Variants in STK3 observed in about 807,000 individuals in gnomAD.
STK3 encodes serine/threonine-protein kinase 3.
STK3 carries 41 observed loss-of-function variants against 58.0 expected under a neutral mutation model. The ratio of observed to expected loss-of-function variants is 0.71; its 90% CI spans 0.55 to 0.92. The LOEUF (loss-of-function observed/expected upper bound fraction) is 0.92. Ranked by LOEUF, STK3 falls within the 40% of genes least tolerant of loss-of-function variation. The probability of loss-of-function intolerance (pLI) is 0.00; values close to 1 mark genes in which losing one functional copy is unlikely to be tolerated. For synonymous variants in STK3, 170 were observed against 191.0 expected (o/e 0.89, Z 0.91); for missense variants, 479 against 602.7 (o/e 0.79, Z 2.15).
intron 3 of STK3, chr8:98,432,172 G>A (rs918980766): frequency 5.4e-5 from 9 of 167,072 alleles, no homozygotes; most frequent in Admixed American, 5.2e-4. Context: ...GCTAACCAGG[G>A]AGAGTCAGGT....
At chr8:98,719,942 G>A (rs1448102922) in intron 4 of STK3, among the ~76,000 whole-genome samples, 1 of 152,194 alleles carries the variant, frequency 6.6e-6, no homozygotes. Context: ...ACTTCAGAGA[G>A]TCAATGTCTT....
At chr8:98,659,107 G>C (rs1217292325) in intron 6 of STK3, among the ~76,000 whole-genome samples, 2 of 151,952 alleles carry the variant, frequency 1.3e-5, no homozygotes, top group African/African-American at 4.8e-5. Flanking sequence ...GTTTGTATAA[G>C]TTCACTCTAT....
the STK3 span, among the ~76,000 whole-genome samples, chr8:98,348,405 A>G: frequency 1.3e-5 from 2 of 152,262 alleles, no homozygotes; most frequent in Non-Finnish European, 2.9e-5. Context: ...CATGAAACAA[A>G]GAATTGATAA....
chr8:98,586,842 A>G (rs1183464158), intron 7 of STK3, among the ~76,000 whole-genome samples: 1 of 151,870 alleles, frequency 6.6e-6, no homozygotes, highest in African/African-American at 2.4e-5. Flanking sequence ...GTATGTGTCG[A>G]GGAATTTATC....
Position 98,761,018 on chromosome 8 carries a change from A to G in STK3, c.236+6225T>C, listed in dbSNP as rs1455714866. Among the ~76,000 whole-genome samples the G allele has an allele frequency of 3.3e-5, 5 of 152,190 alleles. No individual in the cohort carries two copies. In the South Asian group the frequency reaches 6.2e-4, roughly 19 times the overall value. ...TTATAAAAATCCAAATGTTCTATTC[A>G]TAACACCCAAAATATGGAATCAATC... On this transcript the variant is annotated intron_variant, in intron 3 of 10. Coordinates refer to ENST00000419617, the MANE Select transcript of STK3 (RefSeq NM_006281.4).
intron 4 of STK3, among the ~76,000 whole-genome samples, chr8:98,712,713 T>C (rs553153671): frequency 2.2e-3 from 338 of 152,170 alleles, no homozygotes; most frequent in African/African-American, 7.8e-3. Flanking sequence ...CTGTCAACAT[T>C]AGACAGATCA....
At chr8:98,660,305 T>C (rs996777856) in intron 6 of STK3, among the ~76,000 whole-genome samples, 1 of 151,814 alleles carries the variant, frequency 6.6e-6, no homozygotes, top group African/African-American at 2.4e-5. Flanking sequence ...TGGGTAAGAG[T>C]TGCAGTTGTG....
intron 1 of STK3, among the ~76,000 whole-genome samples, chr8:98,916,926 C>T (rs1839367077): frequency 6.6e-6 from 1 of 152,148 alleles, no homozygotes; most frequent in Non-Finnish European, 1.5e-5. Context: ...GATTTGGGAG[C>T]TGAGTCCTGA....
chr8:98,908,962 C>A (rs529964769), intron 1 of STK3, among the ~76,000 whole-genome samples: 1 of 151,044 alleles, frequency 6.6e-6, no homozygotes, highest in South Asian at 2.1e-4. Flanking sequence ...TCAAGACCAG[C>A]CTGGCCAAGA....
intron 10 of STK3, among the ~76,000 whole-genome samples, chr8:98,487,068 T>C (rs1822327425): frequency 6.6e-6 from 1 of 152,226 alleles, no homozygotes; most frequent in Admixed American, 6.5e-5. Flanking sequence ...TTTTATCTAA[T>C]TTATTCAACA....
chr8:98,827,803 G>A (rs185979176), upstream of STK3, among the ~76,000 whole-genome samples: 131 of 151,778 alleles, frequency 8.6e-4, 1 homozygote, highest in Non-Finnish European at 2.8e-4. Context: ...TACAATGCCC[G>A]GCTACAAAAT....
rs577704093 is a variant in STK3, at chr8:98,712,596, T to C, written c.352-5285A>G. 7.7e-3 allele frequency among the ~76,000 whole-genome samples: 1,164 copies of C among 151,970 alleles called. 11 individuals are homozygous for C. Among genetic ancestry groups the C allele is most frequent in the African/African-American group, 0.026 (1,089 of 41,380 alleles). On this transcript the variant is annotated intron_variant, in intron 4 of 10. Transcript: ENST00000419617. Reference sequence around the variant, plus strand: ...CAAGAAGAGCTAACTATCCTAAATATATATGCACCCAATACAGGAGCACCC... The same window carrying C: ...CAAGAAGAGCTAACTATCCTAAATACATATGCACCCAATACAGGAGCACCC...
At chr8:98,383,891 G>A (rs957670727) in intron 1 of STK3, among the ~76,000 whole-genome samples, 4 of 152,250 alleles carry the variant, frequency 2.6e-5, no homozygotes, top group African/African-American at 9.6e-5. Context: ...CAGGGCAACA[G>A]ATGGTCATCA....
chr8:98,379,168 A>T (rs1001704092), exon 2 of STK3: 1 of 152,216 alleles, frequency 6.6e-6, no homozygotes, highest in African/African-American at 2.4e-5. Flanking sequence ...AGGTCTCCAG[A>T]ATCATTAAAG....
intron 8 of STK3, among the ~76,000 whole-genome samples, chr8:98,568,546 C>T (rs1186390440): frequency 6.6e-6 from 1 of 152,176 alleles, no homozygotes. Context: ...AATTTTAGTG[C>T]TTCTCTCAAA....
At chr8:98,714,706 T>C (rs201856582) in intron 4 of STK3, among the ~76,000 whole-genome samples, 39 of 152,170 alleles carry the variant, frequency 2.6e-4, no homozygotes, top group Non-Finnish European at 3.4e-4. Flanking sequence ...GGCCATACTG[T>C]CCAAGGTAAT....
chr8:98,683,424 T>C (rs1823771902), intron 6 of STK3, among the ~76,000 whole-genome samples: 1 of 152,054 alleles, frequency 6.6e-6, no homozygotes, highest in Admixed American at 6.6e-5. Context: ...CACAGAAGTA[T>C]CTTTGAGATA....
chr8:98,823,130 A>C (rs1835016807), intron 1 of STK3, among the ~76,000 whole-genome samples: 1 of 152,252 alleles, frequency 6.6e-6, no homozygotes, highest in African/African-American at 2.4e-5. Context: ...GAAAGAAAAC[A>C]GAAAAAATTA....
chr8:98,844,616 C>G lies in STK3; in HGVS notation c.110+39031G>C, dbSNP rs181439386. On this transcript the variant is annotated intron_variant, in intron 3 of 12. Coordinates refer to the STK3 transcript ENST00000523601. ...CAGTAGCTGGGATTACAGGCCCGCACCATCATGCTCAGCTAATTTTTGTAC... is the reference window on the plus strand; with the variant it reads ...CAGTAGCTGGGATTACAGGCCCGCAGCATCATGCTCAGCTAATTTTTGTAC... 8.7e-3 allele frequency among the ~76,000 whole-genome samples: 1,321 copies of G among 152,216 alleles called. 11 individuals carry two copies. The highest frequency in any genetic ancestry group is 0.03 in the African/African-American group (1,242 of 41,514).
Sources: allele counts gnomAD v4.1 joint callset (sites outside exome capture counted in the v4.1 genomes callset), GRCh38; gene constraint gnomAD v4.1.1; transcripts MANE v1.5; gene names NCBI Gene and HGNC (gene_info 2026-07-23, HGNC 2026-07-21).